Variants in XRRA1 observed in about 807,000 individuals in gnomAD.
XRRA1 encodes X-ray radiation resistance associated 1.
A neutral mutation model predicts 80.2 loss-of-function variants in XRRA1; 69 were observed. That is an observed-to-expected ratio of 0.86 (90% CI 0.71 to 1.05). The LOEUF (loss-of-function observed/expected upper bound fraction) is 1.05, where lower values mean the gene tolerates loss of function less well. XRRA1 is among the 50% of genes least tolerant of loss of function. The pLI is 0.00. For missense variants in XRRA1, 967 were observed against 976.4 expected (o/e 0.99, Z 0.13); for synonymous variants, 348 against 389.9 (o/e 0.89, Z 1.27).
intron 10 of XRRA1, among the ~76,000 whole-genome samples, chr11:74,897,724 A>G (rs1333948077): frequency 1.4e-5 from 2 of 139,862 alleles, no homozygotes; most frequent in East Asian, 3.9e-4. Context: ...AAAAAAAAAG[A>G]AAAAAAAAAA....
intron 10 of XRRA1, among the ~76,000 whole-genome samples, chr11:74,890,593 A>C (rs948675227): frequency 1.6e-4 from 24 of 152,210 alleles, no homozygotes; most frequent in African/African-American, 5.3e-4. Flanking sequence ...AAACCCTTCA[A>C]AAAAATCAAT....
intron 2 of XRRA1, among the ~76,000 whole-genome samples, chr11:74,944,561 T>C (rs614832): frequency 0.44 from 67,223 of 152,078 alleles, 15,333 homozygotes; most frequent in Middle Eastern, 0.53. Flanking sequence ...GATCCCTGAT[T>C]TTCCCTGCAA....
intron 5 of XRRA1, among the ~76,000 whole-genome samples, chr11:74,930,758 A>G (rs185744651): frequency 1.5e-3 from 227 of 152,242 alleles, no homozygotes; most frequent in African/African-American, 5.2e-3. Flanking sequence ...CATAACAGCT[A>G]TCCTGAATTG....
At chr11:74,945,436 A>T (rs1003115751) in intron 1 of XRRA1, among the ~76,000 whole-genome samples, 3 of 152,362 alleles carry the variant, frequency 2.0e-5, no homozygotes, top group Admixed American at 2.0e-4. Flanking sequence ...AAGTTGAAAG[A>T]TAAGACACAG....
At chr11:74,938,287 C>G (rs1945510133) in intron 3 of XRRA1, among the ~76,000 whole-genome samples, 1 of 152,174 alleles carries the variant, frequency 6.6e-6, no homozygotes, top group Non-Finnish European at 1.5e-5. Context: ...CATTATGGGC[C>G]TGATACTCCA....
intron 4 of XRRA1, among the ~76,000 whole-genome samples, chr11:74,935,581 T>C (rs753695170): frequency 3.0e-4 from 46 of 152,190 alleles, no homozygotes; most frequent in Non-Finnish European, 5.0e-4. Context: ...GTGGGGACAG[T>C]GTGGGAGAGG....
rs1326242480 is a variant in XRRA1 at position 74,840,971 on chromosome 11, A to T, written c.*2229T>A. ...TTATTTTAATAGTTTTTTCTTCCTGATTTTTTTCAGTTAGTTAGAGTTAAA... is the reference window on the plus strand; with the variant it reads ...TTATTTTAATAGTTTTTTCTTCCTGTTTTTTTTCAGTTAGTTAGAGTTAAA... On this transcript the variant is annotated 3_prime_UTR_variant, in exon 19 of 19. Coordinates refer to ENST00000684022, the MANE Select transcript of XRRA1 (RefSeq NM_001378157.1). 6.6e-6 allele frequency: 1 copy of T among 151,848 alleles called. No homozygotes were observed. The highest frequency in any genetic ancestry group is 1.5e-5 in the Non-Finnish European group (1 of 67,970). The allele number at this position is 151,848 out of a possible 1,614,324, so 9.4% of individuals were successfully genotyped here. A position where few individuals can be genotyped will look rare whatever the true frequency, so the allele number is the denominator to read the frequency against.
intron 10 of XRRA1, among the ~76,000 whole-genome samples, chr11:74,896,284 G>A (rs902133517): frequency 2.0e-5 from 3 of 152,232 alleles, no homozygotes; most frequent in Admixed American, 2.0e-4. Context: ...CTGGGCAAGA[G>A]AGGAGTTCAC....
intron 10 of XRRA1, among the ~76,000 whole-genome samples, chr11:74,903,678 G>A (rs1405587258): frequency 6.6e-6 from 1 of 152,130 alleles, no homozygotes; most frequent in Non-Finnish European, 1.5e-5. Flanking sequence ...ACTCCAGCCT[G>A]GGCAACAGCG....
At chr11:74,918,173 A>G (rs1233642290) in intron 8 of XRRA1, among the ~76,000 whole-genome samples, 1 of 152,192 alleles carries the variant, frequency 6.6e-6, no homozygotes, top group Non-Finnish European at 1.5e-5. Flanking sequence ...CTGGAAGATG[A>G]CAGAGGAACA....
At chr11:74,879,260 CTGTT>C (rs1265802891) in intron 10 of XRRA1, among the ~76,000 whole-genome samples, 4 of 150,654 alleles carry the variant, frequency 2.7e-5, no homozygotes, top group Non-Finnish European at 4.4e-5. Flanking sequence ...ATTTGGCTCT[CTGTT>C]TGTCTGTTGT....
chr11:74,939,843 T>TAG (rs34445753), intron 3 of XRRA1, among the ~76,000 whole-genome samples: 170 of 144,776 alleles, frequency 1.2e-3, no homozygotes, highest in East Asian at 6.1e-3. Context: ...GAGAGTGACA[T>TAG]AGAGAGAGAG....
rs373007386 is a variant in XRRA1 at position 74,882,966 on chromosome 11, TTGTC to T, written c.1004-19949_1004-19946del. On this transcript the variant is annotated intron_variant, in intron 10 of 18. Transcript: ENST00000684022. ...GCAGAGGTTACTGCTGTCTTTTTGT[TTGTC>T]TGTGCCCTGCCCCCAGAGGTGGAGC... Among the ~76,000 whole-genome samples the T allele has an allele frequency of 3.2e-3, 481 of 152,322 alleles. 9 individuals carry two copies. The highest frequency in any genetic ancestry group is 0.021 in the Admixed American group (329 of 15,308).
chr11:74,855,040 ACT>A (rs58615058), intron 12 of XRRA1, among the ~76,000 whole-genome samples: 3,433 of 151,568 alleles, frequency 0.023, 143 homozygotes, highest in African/African-American at 0.079. Flanking sequence ...ACAGAGTGAG[ACT>A]CTGTCTCAAA....
intron 2 of XRRA1, among the ~76,000 whole-genome samples, chr11:74,943,163 C>A (rs1437501758): frequency 6.6e-6 from 1 of 152,194 alleles, no homozygotes; most frequent in South Asian, 2.1e-4. Context: ...CTCTTCAATA[C>A]CAATTTACAG....
rs72986702 is a variant in XRRA1 at position 74,854,184 on chromosome 11, A to G, written c.1171-2102T>C. Among the ~76,000 whole-genome samples the G allele has an allele frequency of 3.3e-3, 500 of 152,322 alleles. 1 individual carries two copies. The highest frequency in any genetic ancestry group is 5.7e-3 in the Non-Finnish European group (390 of 68,030). On this transcript the variant is annotated intron_variant, in intron 12 of 18. Coordinates refer to ENST00000684022, the MANE Select transcript of XRRA1 (RefSeq NM_001378157.1). ...GTACTTTTGAGGCCTCCAGGTAGAA[A>G]TGTCAAATAGGCAGTTGGATACACT...
intron 8 of XRRA1, among the ~76,000 whole-genome samples, chr11:74,907,558 G>A (rs936663160): frequency 6.6e-6 from 1 of 152,174 alleles, no homozygotes; most frequent in African/African-American, 2.4e-5. Flanking sequence ...TATAGGTAGT[G>A]CTTATAGAAA....
intron 6 of XRRA1, among the ~76,000 whole-genome samples, chr11:74,929,289 T>A (rs2139328837): frequency 6.6e-6 from 1 of 152,166 alleles, no homozygotes; most frequent in Non-Finnish European, 1.5e-5. Flanking sequence ...TAAATCTCTG[T>A]CTGTCTCTCT....
intron 6 of XRRA1, among the ~76,000 whole-genome samples, chr11:74,927,887 A>C (rs1050118604): frequency 6.6e-6 from 1 of 152,254 alleles, no homozygotes; most frequent in Non-Finnish European, 1.5e-5. Context: ...TCCAGAGACA[A>C]GTATTAAAAG....
Sources: gnomAD v4.1 joint callset for allele counts (sites outside exome capture counted in the v4.1 genomes callset) on GRCh38, gnomAD v4.1.1 for gene constraint, MANE v1.5 for transcripts, NCBI Gene and HGNC (gene_info 2026-07-23, HGNC 2026-07-21) for gene names.